The following PPARGC1A variants were observed in gnomAD, a reference collection of about 807,000 sequenced individuals.
PPARGC1A encodes the protein peroxisome proliferator-activated receptor gamma coactivator 1-alpha.
Under a neutral mutation model 88.7 loss-of-function variants are expected in PPARGC1A, and 25 were observed. The ratio of observed to expected loss-of-function variants is 0.28; its 90% CI spans 0.21 to 0.39. The LOEUF (loss-of-function observed/expected upper bound fraction) is 0.39, where lower values mean the gene tolerates loss of function less well. PPARGC1A is among the 10% of genes least tolerant of loss of function. PPARGC1A has a pLI of 1.00. For missense variants in PPARGC1A, 880 were observed against 968.7 expected, an observed-to-expected ratio of 0.91 and a Z score of 1.22; for synonymous variants, 363 against 355.6, an observed-to-expected ratio of 1.02 and a Z score of -0.24.
chr4:24,313,634 G>C, the PPARGC1A span, among the ~76,000 whole-genome samples: 1 of 152,144 alleles, frequency 6.6e-6, no homozygotes, highest in Non-Finnish European at 1.5e-5. Context: ...ACAAGAGAAG[G>C]GAGCTTTCAT....
the PPARGC1A span, among the ~76,000 whole-genome samples, chr4:24,378,260 T>A: frequency 6.6e-6 from 1 of 151,996 alleles, no homozygotes; most frequent in Non-Finnish European, 1.5e-5. Flanking sequence ...TCACTTGAAC[T>A]TGGGAGGCAG....
the PPARGC1A span, among the ~76,000 whole-genome samples, chr4:24,222,376 C>A: frequency 6.6e-6 from 1 of 152,202 alleles, no homozygotes; most frequent in East Asian, 1.9e-4. Context: ...ACATCAACTT[C>A]TCTGTGCCTC....
the PPARGC1A span, among the ~76,000 whole-genome samples, chr4:24,354,105 G>C: frequency 6.6e-6 from 1 of 152,076 alleles, no homozygotes; most frequent in Non-Finnish European, 1.5e-5. Context: ...CAAGTTGTTG[G>C]CAGAATTCAG....
intron 2 of PPARGC1A, among the ~76,000 whole-genome samples, chr4:23,864,304 G>A (rs765730446): frequency 4.8e-4 from 73 of 152,268 alleles, no homozygotes; most frequent in African/African-American, 1.7e-3. Flanking sequence ...TGTGTCACCC[G>A]GGTAAGTCTT....
the PPARGC1A span, among the ~76,000 whole-genome samples, chr4:24,022,075 AG>A: frequency 6.6e-6 from 1 of 152,136 alleles, no homozygotes; most frequent in Admixed American, 6.5e-5. Flanking sequence ...TACCTGGCTG[AG>A]GGGCCAGGTC....
At chr4:24,400,507 A>G in the PPARGC1A span, among the ~76,000 whole-genome samples, 1 of 152,174 alleles carries the variant, frequency 6.6e-6, no homozygotes, top group Non-Finnish European at 1.5e-5. Flanking sequence ...GTAATTGTCT[A>G]AGTTAATACT....
At chr4:24,178,988 T>G in the PPARGC1A span, among the ~76,000 whole-genome samples, 1 of 152,222 alleles carries the variant, frequency 6.6e-6, no homozygotes, top group African/African-American at 2.4e-5. Context: ...TCTTCATTTT[T>G]TTGTTAATAA....
chr4:24,043,660 G>T, the PPARGC1A span, among the ~76,000 whole-genome samples: 7 of 152,066 alleles, frequency 4.6e-5, no homozygotes, highest in South Asian at 4.2e-4. Context: ...AATTTATCTG[G>T]TAATAGTTTA....
the PPARGC1A span, among the ~76,000 whole-genome samples, chr4:23,920,297 C>T: frequency 6.6e-6 from 1 of 152,226 alleles, no homozygotes; most frequent in Non-Finnish European, 1.5e-5. Context: ...GAACTAGCTC[C>T]ATAAACTACC....
At chr4:23,827,104 G>A (rs1364231825) in intron 5 of PPARGC1A, among the ~76,000 whole-genome samples, 1 of 152,146 alleles carries the variant, frequency 6.6e-6, no homozygotes, top group Non-Finnish European at 1.5e-5. Context: ...TGCTTATGAG[G>A]AAGATCCAGC....
At chr4:24,281,054 G>A in the PPARGC1A span, among the ~76,000 whole-genome samples, 1 of 152,134 alleles carries the variant, frequency 6.6e-6, no homozygotes, top group African/African-American at 2.4e-5. Flanking sequence ...CTATCTCAAA[G>A]GATACATCTA....
the PPARGC1A span, among the ~76,000 whole-genome samples, chr4:23,980,995 C>G: frequency 6.6e-6 from 1 of 152,144 alleles, no homozygotes; most frequent in African/African-American, 2.4e-5. Context: ...TCCATAAGAC[C>G]TTCTTCAAGT....
At chr4:24,190,447 G>T in the PPARGC1A span, among the ~76,000 whole-genome samples, 1 of 152,052 alleles carries the variant, frequency 6.6e-6, no homozygotes, top group African/African-American at 2.4e-5. Flanking sequence ...CCCAGGAGGC[G>T]TAGCTTGCAG....
chr4:24,318,517 GA>G, the PPARGC1A span, among the ~76,000 whole-genome samples: 3 of 152,196 alleles, frequency 2.0e-5, no homozygotes, highest in Admixed American at 6.5e-5. Flanking sequence ...CAGAATAAGT[GA>G]TAACTTCTCC....
At chr4:24,000,335 C>A in the PPARGC1A span, among the ~76,000 whole-genome samples, 2 of 152,148 alleles carry the variant, frequency 1.3e-5, no homozygotes, top group African/African-American at 4.8e-5. Flanking sequence ...ATAACAGTTA[C>A]CCCTTGCAAT....
At chr4:23,908,710 T>G (rs1367888162), upstream of PPARGC1A, among the ~76,000 whole-genome samples, 1 of 152,210 alleles carries the variant, frequency 6.6e-6, no homozygotes, top group Non-Finnish European at 1.5e-5. Context: ...CTTATAAAGT[T>G]GATCCTAAAA....
At chr4:24,196,835 G>A in the PPARGC1A span, among the ~76,000 whole-genome samples, 15 of 152,180 alleles carry the variant, frequency 9.9e-5, no homozygotes, top group Admixed American at 9.8e-4. Flanking sequence ...ATTTATTTCT[G>A]TGAGGAAGGA....
At chr4:23,972,847 G>A in the PPARGC1A span, among the ~76,000 whole-genome samples, 32 of 152,272 alleles carry the variant, frequency 2.1e-4, no homozygotes, top group Admixed American at 1.9e-3. Context: ...GAAGATGCTT[G>A]AAAGACACAT....
the PPARGC1A span, among the ~76,000 whole-genome samples, chr4:24,383,285 G>A: frequency 2.6e-5 from 4 of 152,142 alleles, no homozygotes; most frequent in South Asian, 4.2e-4. Context: ...GCACAAAAAG[G>A]CTGACAATTC....
Sources: gnomAD v4.1 joint callset for allele counts (sites outside exome capture counted in the v4.1 genomes callset) on GRCh38, gnomAD v4.1.1 for gene constraint, MANE v1.5 for transcripts, NCBI Gene and HGNC (gene_info 2026-07-23, HGNC 2026-07-21) for gene names.